POLD3: variants seen among roughly 807,000 people sequenced by gnomAD.
POLD3 encodes DNA polymerase delta 3, accessory subunit.
POLD3 carries 19 observed loss-of-function variants against 58.2 expected under a neutral mutation model. The ratio of observed to expected loss-of-function variants is 0.33; its 90% CI spans 0.23 to 0.48. The LOEUF is 0.48. Ranked by LOEUF, POLD3 falls within the 20% of genes least tolerant of loss-of-function variation. POLD3 has a pLI of 0.99. For synonymous variants in POLD3, 172 were observed against 193.5 expected, an observed-to-expected ratio of 0.89 and a Z score of 0.92; for missense variants, 504 against 545.5, an observed-to-expected ratio of 0.92 and a Z score of 0.76.
chr11:74,642,512 T>A lies in POLD3; in HGVS notation c.*1746T>A. 1.0e-6 allele frequency: 1 copy of A among 984,988 alleles called. No homozygotes were observed. The highest frequency in any genetic ancestry group is 1.2e-6 in the Non-Finnish European group (1 of 829,532). The allele number at this position is 984,988 out of a possible 1,614,324, so 61.0% of individuals were successfully genotyped here. A position where few individuals can be genotyped will look rare whatever the true frequency, so the allele number is the denominator to read the frequency against. ...CTAAAAATTATGCTGGGGTCTCGAC[T>A]AAAACTGAATTTGAATTGGAAAATT... is the stretch of plus-strand genomic sequence containing the variant. On this transcript the variant is annotated 3_prime_UTR_variant, in exon 12 of 12. Transcript: ENST00000263681.
intron 3 of POLD3, 26 bp downstream of exon 3, chr11:74,604,820 G>T: frequency 8.5e-7 from 1 of 1,174,124 alleles, no homozygotes. Flanking sequence ...CTTGTAATGA[G>T]CTTAAATGTG....
chr11:74,602,209 G>A (rs1005671824), intron 2 of POLD3, among the ~76,000 whole-genome samples: 6 of 152,090 alleles, frequency 3.9e-5, no homozygotes, highest in Admixed American at 2.0e-4. Flanking sequence ...CTCCCTGAGA[G>A]CTGGGATTAC....
chr11:74,594,153 A>G, intron 2 of POLD3, 37 bp downstream of exon 2: 1 of 1,303,466 alleles, frequency 7.7e-7, no homozygotes, highest in Non-Finnish European at 1.1e-6. Flanking sequence ...ATCATATTGG[A>G]ATTTTTTTTT....
At chr11:74,664,284 C>A (rs569641947) in intron 4 of POLD3, among the ~76,000 whole-genome samples, 1 of 152,024 alleles carries the variant, frequency 6.6e-6, no homozygotes, top group African/African-American at 2.4e-5. Context: ...AAATATTTAC[C>A]CAAGAAAATG....
chr11:74,650,930 C>T lies in POLD3; in HGVS notation c.369+14655C>T, dbSNP rs2033061317. On this transcript the variant is annotated intron_variant, in intron 4 of 4. Transcript: ENST00000524752. ...CACACACAGGCAGCTGAGGGAGCCTCATAAATTATGGTTTTGTTTGTTTAC... is the reference window on the plus strand; with the variant it reads ...CACACACAGGCAGCTGAGGGAGCCTTATAAATTATGGTTTTGTTTGTTTAC... Among the ~76,000 whole-genome samples the T allele has an allele frequency of 3.3e-5, 5 of 152,200 alleles. No individual in the cohort carries two copies. The South Asian group carries it at 1.0e-3, about 32-fold the overall frequency.
At chr11:74,651,591 G>T (rs1476948789) in intron 4 of POLD3, among the ~76,000 whole-genome samples, 1 of 152,212 alleles carries the variant, frequency 6.6e-6, no homozygotes, top group Non-Finnish European at 1.5e-5. Context: ...AACCACACAG[G>T]AGGGCCATGT....
chr11:74,608,846 T>C (rs1002480554), intron 3 of POLD3, among the ~76,000 whole-genome samples: 1 of 152,230 alleles, frequency 6.6e-6, no homozygotes, highest in Non-Finnish European at 1.5e-5. Context: ...GGAACATGAC[T>C]TTTTTCTTCC....
chr11:74,625,687 C>A, intron 8 of POLD3, 114 bp downstream of exon 8: 1 of 790,750 alleles, frequency 1.3e-6, no homozygotes, highest in Non-Finnish European at 2.0e-6. Context: ...TACTTAATGC[C>A]TAAGGGATAC....
chr11:74,593,132 T>C, intron 1 of POLD3: 2 of 696,696 alleles, frequency 2.9e-6, no homozygotes, highest in African/African-American at 1.9e-5. Flanking sequence ...TACTGTTTCC[T>C]CTTCCTGGAA....
intron 6 of POLD3, 60 bp from the exon 7 acceptor site, chr11:74,619,957 G>A: frequency 7.6e-7 from 1 of 1,309,290 alleles, no homozygotes; most frequent in Non-Finnish European, 1.1e-6. Flanking sequence ...GTTTGAGACT[G>A]CTACTTCATG....
chr11:74,637,860 G>A (rs1198591799), intron 11 of POLD3, among the ~76,000 whole-genome samples: 3 of 151,210 alleles, frequency 2.0e-5, no homozygotes, highest in Non-Finnish European at 4.4e-5. Context: ...ATGAATCTTG[G>A]CTTTGGTTAC....
intron 2 of POLD3, among the ~76,000 whole-genome samples, chr11:74,599,601 A>G (rs1253410674): frequency 1.3e-5 from 2 of 150,962 alleles, no homozygotes; most frequent in African/African-American, 4.9e-5. Context: ...TGACCTCGCA[A>G]TCTGCCCACC....
chr11:74,647,848 G>T (rs1036751482), downstream of POLD3, among the ~76,000 whole-genome samples: 3 of 152,144 alleles, frequency 2.0e-5, no homozygotes, highest in African/African-American at 7.2e-5. Context: ...TTACTATCTA[G>T]TGAGGAGAGA....
intron 4 of POLD3, among the ~76,000 whole-genome samples, chr11:74,653,769 A>G (rs2033098164): frequency 1.3e-5 from 2 of 152,182 alleles, no homozygotes; most frequent in Admixed American, 1.3e-4. Flanking sequence ...TTTTTTACAA[A>G]TGGATACAAA....
chr11:74,631,806 G>A (rs1016880167), intron 9 of POLD3, among the ~76,000 whole-genome samples: 5 of 151,910 alleles, frequency 3.3e-5, no homozygotes, highest in African/African-American at 9.7e-5. Flanking sequence ...ACCTGTGTCT[G>A]GAAACAAGTT....
rs531237845 is a variant in POLD3 at position 74,634,675 on chromosome 11, C to A, written c.1099C>A (p.Pro367Thr). 6 of 1,603,390 alleles carry A rather than the reference C, an allele frequency of 3.7e-6. No individual in the cohort carries two copies. In the Admixed American group the frequency reaches 5.0e-5, roughly 13 times the overall value. ...PPLEPVPKTE[P>T]EPPSVKSSSG... ...TCTTGAACCAGTGCCAAAGACTGAG[C>A]CTGAACCTCCTTCTGTCAAGGTAAA... Residue 367 changes from proline to threonine, a missense_variant, in exon 10 of 12, where the codon CCT becomes ACT. Around this residue, in one of 2 missense-constraint regions of POLD3, gnomAD observed 385 missense variants for 370.5 expected, o/e 1.04. Coordinates refer to ENST00000263681, the MANE Select transcript of POLD3 (RefSeq NM_006591.3).
At chr11:74,614,553 A>G (rs1320237590) in intron 5 of POLD3, among the ~76,000 whole-genome samples, 1 of 152,182 alleles carries the variant, frequency 6.6e-6, no homozygotes, top group Non-Finnish European at 1.5e-5. Flanking sequence ...TACTAAAAAT[A>G]CAAAAAATTA....
intron 4 of POLD3, among the ~76,000 whole-genome samples, chr11:74,651,117 C>A (rs887793700): frequency 1.1e-4 from 16 of 152,232 alleles, no homozygotes; most frequent in African/African-American, 3.4e-4. Flanking sequence ...TGCTTATTGG[C>A]TATCTCCTCC....
Position 74,641,028 on chromosome 11 carries a change from A to G in POLD3, c.*262A>G. 14 of 1,114,536 alleles carry G rather than the reference A, an allele frequency of 1.3e-5. No homozygotes were observed. The highest frequency in any genetic ancestry group is 1.1e-5 in the Non-Finnish European group (10 of 913,770). The allele number at this position is 1,114,536 out of a possible 1,614,324, so 69.0% of individuals were successfully genotyped here. ...CTGTCCAGGAGAAGGATTTACTCCA[A>G]AATTATACTGGAACAGTTTTCAGAA... On this transcript the variant is annotated 3_prime_UTR_variant, in exon 12 of 12. Transcript: ENST00000263681.
Sources: allele counts gnomAD v4.1 joint callset (sites outside exome capture counted in the v4.1 genomes callset), GRCh38; gene constraint gnomAD v4.1.1; regional missense constraint gnomAD v4.1.1; transcripts MANE v1.5; gene names NCBI Gene and HGNC (gene_info 2026-07-23, HGNC 2026-07-21).